ARPP21: variants seen among roughly 807,000 people sequenced by gnomAD.
The protein encoded by ARPP21 is cAMP-regulated phosphoprotein 21.
In ARPP21, 69 loss-of-function variants were observed where a neutral mutation model predicts 113.2. The ratio of observed to expected loss-of-function variants is 0.61; its 90% CI spans 0.50 to 0.74. ARPP21 has a LOEUF of 0.74. Ranked by LOEUF, ARPP21 falls within the 30% of genes least tolerant of loss-of-function variation. The probability of loss-of-function intolerance (pLI) is 0.00; values close to 1 mark genes in which losing one functional copy is unlikely to be tolerated. For missense variants in ARPP21, 1,070 were observed against 1,037.4 expected, an observed-to-expected ratio of 1.03 and a Z score of -0.43; for synonymous variants, 368 against 375.5, an observed-to-expected ratio of 0.98 and a Z score of 0.23.
At chr3:35,707,111 C>T in intron 10 of ARPP21, 29 bp downstream of exon 10, 1 of 1,556,912 alleles carries the variant, frequency 6.4e-7, no homozygotes, top group Non-Finnish European at 8.8e-7. Context: ...GAGTGGCTGA[C>T]ATTGTTGTTT....
intron 1 of ARPP21, among the ~76,000 whole-genome samples, chr3:35,668,522 A>G (rs2075521773): frequency 6.6e-6 from 1 of 152,154 alleles, no homozygotes; most frequent in South Asian, 2.1e-4. Context: ...GCCAGCAGAG[A>G]GCTAGTGCTC....
intron 19 of ARPP21, among the ~76,000 whole-genome samples, chr3:35,754,179 G>C (rs2095498343): frequency 6.6e-6 from 1 of 151,780 alleles, no homozygotes; most frequent in Non-Finnish European, 1.5e-5. Context: ...CCTTCTCTAA[G>C]AGTTGATGAT....
chr3:35,671,560 GA>G (rs2076352015), intron 1 of ARPP21, among the ~76,000 whole-genome samples: 1 of 152,014 alleles, frequency 6.6e-6, no homozygotes, highest in African/African-American at 2.4e-5. Context: ...AAAACAGGGA[GA>G]AAAAACAAAA....
intron 19 of ARPP21, among the ~76,000 whole-genome samples, chr3:35,759,362 TA>T (rs1299300047): frequency 6.6e-6 from 1 of 152,148 alleles, no homozygotes; most frequent in Non-Finnish European, 1.5e-5. Flanking sequence ...CTGTATCTTT[TA>T]CTTACTCAGA....
intron 1 of ARPP21, among the ~76,000 whole-genome samples, chr3:35,667,366 T>C (rs1423400021): frequency 2.0e-5 from 3 of 152,192 alleles, no homozygotes; most frequent in South Asian, 4.1e-4. Flanking sequence ...ACCACAGTCA[T>C]TTTGCATTGT....
intron 1 of ARPP21, among the ~76,000 whole-genome samples, chr3:35,678,039 T>C (rs1290803379): frequency 6.6e-6 from 1 of 152,016 alleles, no homozygotes; most frequent in Admixed American, 6.6e-5. Flanking sequence ...AGCTCGGTGC[T>C]ATTTCAAAAC....
intron 9 of ARPP21, among the ~76,000 whole-genome samples, chr3:35,702,356 C>A (rs2086752864): frequency 6.6e-6 from 1 of 151,624 alleles, no homozygotes; most frequent in Non-Finnish European, 1.5e-5. Context: ...TGGAACTCTG[C>A]ATTCATTTAT....
chr3:35,748,004 A>G (rs1036565969), intron 19 of ARPP21, among the ~76,000 whole-genome samples: 1 of 149,954 alleles, frequency 6.7e-6, no homozygotes, highest in Non-Finnish European at 1.5e-5. Flanking sequence ...GAAGAAAGGA[A>G]GGAAGGAAAA....
Position 35,687,790 on chromosome 3 carries a change from A to T in ARPP21, c.313A>T (p.Lys105Ter). Reference protein sequence around the residue: ...SSFSSLQEEDKSRKDDSEREK... With the variant: ...SSFSSLQEED ...TTTTTCCAGCCTGCAAGAGGAGGAT[A>T]AATCTAGGAAAGATGACTCTGAAAG... is the stretch of plus-strand genomic sequence containing the variant. Residue 105 changes from lysine to a stop codon, truncating the protein, a stop_gained, in exon 6 of 21, where the codon AAA (lysine) becomes TAA (stop). Coordinates refer to ENST00000684406, the MANE Select transcript of ARPP21 (RefSeq NM_001385562.1). LOFTEE classifies it high-confidence loss of function. The T allele has an allele frequency of 6.2e-7, 1 of 1,606,666 alleles. No individual in the cohort carries two copies.
intron 19 of ARPP21, among the ~76,000 whole-genome samples, chr3:35,756,407 G>A (rs775660113): frequency 2.0e-5 from 3 of 152,066 alleles, no homozygotes; most frequent in Non-Finnish European, 4.4e-5. Flanking sequence ...AACGTTCTTT[G>A]GGAGAGTATG....
intron 19 of ARPP21, among the ~76,000 whole-genome samples, chr3:35,780,584 A>AC (rs1382332040): frequency 2.6e-5 from 4 of 152,146 alleles, no homozygotes; most frequent in Non-Finnish European, 4.4e-5. Context: ...GAGGGAAAAA[A>AC]AATAATGAGT....
chr3:35,683,076 C>T (rs1020075728), intron 4 of ARPP21, among the ~76,000 whole-genome samples, 187 bp downstream of exon 4: 1 of 151,606 alleles, frequency 6.6e-6, no homozygotes, highest in African/African-American at 2.4e-5. Context: ...TATGGCACTG[C>T]ATATTTTTTA....
intron 17 of ARPP21, among the ~76,000 whole-genome samples, chr3:35,738,698 G>C (rs2094496859): frequency 1.3e-5 from 2 of 152,164 alleles, no homozygotes; most frequent in African/African-American, 4.8e-5. Flanking sequence ...TCCTGATGTA[G>C]GTGCCCCCGC....
chr3:35,688,603 G>A (rs1272960504), intron 6 of ARPP21, among the ~76,000 whole-genome samples: 2 of 151,450 alleles, frequency 1.3e-5, no homozygotes, highest in Non-Finnish European at 3.0e-5. Flanking sequence ...CAAACAAACT[G>A]GACAACTGGG....
At chr3:35,712,089 C>A (rs1023186299) in intron 11 of ARPP21, among the ~76,000 whole-genome samples, 1 of 152,172 alleles carries the variant, frequency 6.6e-6, no homozygotes, top group Non-Finnish European at 1.5e-5. Context: ...AGGGGACCCT[C>A]ATCTAGTACT....
At position 35,679,105 on chromosome 3, in the gene ARPP21, T is replaced by A. The variant is rs373494345; in HGVS notation, c.-212-682T>A. Among the ~76,000 whole-genome samples the A allele has an allele frequency of 9.2e-5, 14 of 151,962 alleles. No homozygotes were observed. In the South Asian group the frequency reaches 2.9e-3, roughly 32 times the overall value. ...TCCCTCTGTCAGTGTTTCTTTGCTG[T>A]CAAACAGAATGCCCAGCTGGCAGTG... On this transcript the variant is annotated intron_variant, in intron 1 of 20. Transcript: ENST00000684406.
intron 19 of ARPP21, among the ~76,000 whole-genome samples, chr3:35,758,750 A>G (rs2095659602): frequency 6.6e-6 from 1 of 151,968 alleles, no homozygotes; most frequent in African/African-American, 2.4e-5. Flanking sequence ...TATTTTTTTC[A>G]TTAATGAAAC....
intron 19 of ARPP21, among the ~76,000 whole-genome samples, chr3:35,751,656 T>C (rs776082157): frequency 4.6e-5 from 7 of 152,156 alleles, no homozygotes; most frequent in Non-Finnish European, 1.0e-4. Context: ...ATGAGTACTA[T>C]GAATATAAAT....
At chr3:35,730,927 T>C (rs925959926) in intron 15 of ARPP21, among the ~76,000 whole-genome samples, 1 of 152,204 alleles carries the variant, frequency 6.6e-6, no homozygotes, top group Non-Finnish European at 1.5e-5. Flanking sequence ...AAGCTTCAGA[T>C]TAGATATTTC....
Sources: gnomAD v4.1 joint callset for allele counts (sites outside exome capture counted in the v4.1 genomes callset) on GRCh38, gnomAD v4.1.1 for gene constraint, MANE v1.5 for transcripts, NCBI Gene and HGNC (gene_info 2026-07-23, HGNC 2026-07-21) for gene names.